The following RFWD3 variants were observed in gnomAD, a reference collection of about 807,000 sequenced individuals.
RFWD3 encodes the protein ring finger and WD repeat domain 3.
In RFWD3, 65 loss-of-function variants were observed where a neutral mutation model predicts 87.7. That is an observed-to-expected ratio of 0.74 (90% CI 0.61 to 0.91). The LOEUF is 0.91. Ranked by LOEUF, RFWD3 falls within the 40% of genes least tolerant of loss-of-function variation. RFWD3 has a pLI of 0.00. For synonymous variants in RFWD3, 433 were observed against 352.8 expected (o/e 1.23, Z -2.55); for missense variants, 1,078 against 938.5 (o/e 1.15, Z -1.94).
At chr16:74,631,345 A>C (rs988732943) in intron 9 of RFWD3, among the ~76,000 whole-genome samples, 7 of 151,978 alleles carry the variant, frequency 4.6e-5, no homozygotes, top group African/African-American at 1.7e-4. Context: ...GGTGGCATGC[A>C]CCTGTAATCC....
chr16:74,634,450 T>C (rs1212456204), intron 8 of RFWD3, among the ~76,000 whole-genome samples: 2 of 152,084 alleles, frequency 1.3e-5, no homozygotes, highest in African/African-American at 2.4e-5. Flanking sequence ...AGTGGCACCA[T>C]CATGGCTCAC....
chr16:74,630,255 A>G (rs988315253), intron 10 of RFWD3, among the ~76,000 whole-genome samples: 3 of 152,120 alleles, frequency 2.0e-5, no homozygotes, highest in Non-Finnish European at 2.9e-5. Context: ...GCCACCACGC[A>G]TGGCTAACAT....
At chr16:74,662,721 G>A (rs940698014) in intron 1 of RFWD3, among the ~76,000 whole-genome samples, 4 of 152,168 alleles carry the variant, frequency 2.6e-5, no homozygotes, top group African/African-American at 9.7e-5. Context: ...GGGCCTATGG[G>A]CCTTGGTAAG....
intron 3 of RFWD3, among the ~76,000 whole-genome samples, chr16:74,650,853 G>C (rs2144259447): frequency 6.6e-6 from 1 of 151,768 alleles, no homozygotes; most frequent in Non-Finnish European, 1.5e-5. Context: ...CTCCAACCTG[G>C]GGGACAGAGT....
At chr16:74,644,812 T>A in intron 4 of RFWD3, 77 bp from the exon 5 acceptor site, 1 of 1,393,958 alleles carries the variant, frequency 7.2e-7, no homozygotes, top group Non-Finnish European at 9.8e-7. Flanking sequence ...ACTAAGAAAT[T>A]AACAGAAGTG....
chr16:74,655,499 G>A (rs143202479), intron 2 of RFWD3, among the ~76,000 whole-genome samples: 1,512 of 150,106 alleles, frequency 0.01, 13 homozygotes, highest in Non-Finnish European at 0.016. Flanking sequence ...CGCCCGCCTC[G>A]GCCTCCCAAA....
chr16:74,639,423 T>C (rs1222519925), intron 6 of RFWD3, among the ~76,000 whole-genome samples: 1 of 152,198 alleles, frequency 6.6e-6, no homozygotes, highest in Non-Finnish European at 1.5e-5. Flanking sequence ...CCATCGTATA[T>C]GCAATCTGTC....
intron 11 of RFWD3, 56 bp downstream of exon 11, chr16:74,628,396 C>A (rs1041884921): frequency 6.4e-7 from 1 of 1,551,944 alleles, no homozygotes; most frequent in Non-Finnish European, 8.9e-7. Flanking sequence ...CCCTCCTTCC[C>A]TTTTCTCTAC....
At chr16:74,638,295 T>A (rs1959323305) in intron 6 of RFWD3, among the ~76,000 whole-genome samples, 1 of 151,996 alleles carries the variant, frequency 6.6e-6, no homozygotes, top group Admixed American at 6.6e-5. Flanking sequence ...GGTTACTGGA[T>A]TAAAAAGGAA....
intron 6 of RFWD3, among the ~76,000 whole-genome samples, chr16:74,641,920 T>C (rs1310315273): frequency 9.6e-5 from 3 of 31,102 alleles, no homozygotes; most frequent in African/African-American, 1.4e-4. Context: ...AGAGCAAAAC[T>C]CCGTCTCCAA....
rs1045025357 is a variant in RFWD3, at chr16:74,650,501, A to G, written c.722-1299T>C. Among the ~76,000 whole-genome samples the G allele has an allele frequency of 5.9e-5, 9 of 152,188 alleles. No homozygotes were observed. In the South Asian group the frequency reaches 8.3e-4, roughly 14 times the overall value. On this transcript the variant is annotated intron_variant, in intron 3 of 12. Transcript: ENST00000361070. The stretch of plus-strand genomic sequence containing the variant: ...TTTTTTAAGATGCTAAGATTGACCA[A>G]TGGGTTCAGGTGGTATCACCCTGGT...
At chr16:74,631,365 G>C (rs1164825123) in intron 9 of RFWD3, among the ~76,000 whole-genome samples, 1 of 151,988 alleles carries the variant, frequency 6.6e-6, no homozygotes, top group Admixed American at 6.6e-5. Context: ...CCAGCTACTC[G>C]GGAGGCTGAG....
Position 74,645,987 on chromosome 16 carries a change from A to C in RFWD3, c.793-1252T>G, listed in dbSNP as rs369954619. Among the ~76,000 whole-genome samples the C allele has an allele frequency of 8.6e-4, 130 of 151,780 alleles. 1 individual carries two copies. The highest frequency in any genetic ancestry group is 2.9e-3 in the African/African-American group (121 of 41,350). On this transcript the variant is annotated intron_variant, in intron 4 of 12. Coordinates refer to ENST00000361070, the MANE Select transcript of RFWD3 (RefSeq NM_018124.4). ...ATGGTCTCGATCTCCTGACCTCGCG[A>C]TCCGTCCGCCTTGGCCTCCCAAAGT...
At chr16:74,633,262 A>C (rs1039973418) in intron 8 of RFWD3, among the ~76,000 whole-genome samples, 8 of 143,764 alleles carry the variant, frequency 5.6e-5, no homozygotes, top group African/African-American at 2.1e-4. Flanking sequence ...GGGCAACCAG[A>C]GCAAAACTCC....
chr16:74,635,091 T>C (rs1959182976), intron 8 of RFWD3, among the ~76,000 whole-genome samples: 1 of 152,002 alleles, frequency 6.6e-6, no homozygotes, highest in Non-Finnish European at 1.5e-5. Flanking sequence ...CCATCCTGGC[T>C]AACACGGTGA....
chr16:74,630,181 C>G (rs896551486), intron 10 of RFWD3, among the ~76,000 whole-genome samples: 5 of 152,172 alleles, frequency 3.3e-5, no homozygotes, highest in African/African-American at 7.2e-5. Context: ...CCGCAACCTC[C>G]GCCTCCGAGG....
intron 6 of RFWD3, among the ~76,000 whole-genome samples, chr16:74,639,381 A>C (rs769021043): frequency 6.6e-5 from 10 of 152,132 alleles, no homozygotes; most frequent in Admixed American, 1.3e-4. Flanking sequence ...ACGCAACAGA[A>C]TTTTCAGCTC....
intron 3 of RFWD3, 104 bp downstream of exon 3, chr16:74,651,816 G>C: frequency 3.1e-6 from 3 of 974,280 alleles, no homozygotes; most frequent in Non-Finnish European, 3.2e-6. Context: ...ACATTTAGGG[G>C]AGAAAAGGGA....
intron 10 of RFWD3, 61 bp from the exon 11 acceptor site, chr16:74,628,727 A>G (rs933369115): frequency 6.8e-7 from 1 of 1,469,344 alleles, no homozygotes; most frequent in Non-Finnish European, 9.5e-7. Flanking sequence ...TCCAGACCCC[A>G]CTACCAGACC....
Sources: gnomAD v4.1 joint callset for allele counts (sites outside exome capture counted in the v4.1 genomes callset) on GRCh38, gnomAD v4.1.1 for gene constraint, MANE v1.5 for transcripts, NCBI Gene and HGNC (gene_info 2026-07-23, HGNC 2026-07-21) for gene names.